Variants in JMJD1C observed in about 807,000 individuals in gnomAD.
JMJD1C encodes the protein jumonji domain containing 1C.
Under a neutral mutation model 245.3 loss-of-function variants are expected in JMJD1C, and 31 were observed. The observed-to-expected ratio is 0.13, with a 90% CI of 0.09 to 0.17. JMJD1C has a LOEUF of 0.17. Ranked by LOEUF, JMJD1C falls within the 10% of genes least tolerant of loss-of-function variation. The pLI is 1.00. For missense variants in JMJD1C, 2,691 were observed against 3,000.2 expected (o/e 0.90, Z 2.41); for synonymous variants, 1,057 against 1,017.4 (o/e 1.04, Z -0.74).
chr10:63,227,390 T>G (rs959384851), intron 3 of JMJD1C, among the ~76,000 whole-genome samples: 2 of 152,120 alleles, frequency 1.3e-5, no homozygotes, highest in African/African-American at 4.8e-5. Context: ...CAAAGGGTGG[T>G]TAGTTTCTAA....
chr10:63,222,937 C>A, intron 3 of JMJD1C: 2 of 1,503,314 alleles, frequency 1.3e-6, no homozygotes, highest in Non-Finnish European at 9.2e-7. Flanking sequence ...ATGAACCCTG[C>A]CATATAATTC....
chr10:63,432,679 C>A (rs1027976454), intron 1 of JMJD1C, among the ~76,000 whole-genome samples: 4 of 152,204 alleles, frequency 2.6e-5, no homozygotes, highest in African/African-American at 9.7e-5. Context: ...TGTTTAACCA[C>A]TGTTAATTGG....
intron 1 of JMJD1C, among the ~76,000 whole-genome samples, chr10:63,463,393 C>A (rs1036194839): frequency 1.3e-5 from 2 of 152,252 alleles, no homozygotes; most frequent in Admixed American, 1.3e-4. Flanking sequence ...TCTCAAAACT[C>A]CTGCGCTCAA....
chr10:63,278,988 G>A (rs1857117283), intron 2 of JMJD1C, among the ~76,000 whole-genome samples: 1 of 152,040 alleles, frequency 6.6e-6, no homozygotes, highest in South Asian at 2.1e-4. Flanking sequence ...GGTAGCTCAC[G>A]CCTGTAATCC....
At chr10:63,200,722 A>C in intron 10 of JMJD1C, 45 bp from the exon 11 acceptor site, 1 of 1,509,234 alleles carries the variant, frequency 6.6e-7, no homozygotes, top group Non-Finnish European at 9.2e-7. Flanking sequence ...TGCTTTGTAA[A>C]AAGTTAAACT....
At chr10:63,271,729 A>G (rs2133834002) in intron 2 of JMJD1C, among the ~76,000 whole-genome samples, 1 of 152,206 alleles carries the variant, frequency 6.6e-6, no homozygotes, top group East Asian at 1.9e-4. Flanking sequence ...TTTTGTATTC[A>G]TACTGATGTT....
intron 2 of JMJD1C, among the ~76,000 whole-genome samples, chr10:63,274,647 C>T (rs1430119688): frequency 2.0e-5 from 3 of 152,078 alleles, no homozygotes; most frequent in African/African-American, 7.2e-5. Flanking sequence ...ATCACAGTTT[C>T]AAACCTTCAA....
intron 1 of JMJD1C, among the ~76,000 whole-genome samples, chr10:63,437,970 G>A: frequency 6.6e-6 from 1 of 152,014 alleles, no homozygotes; most frequent in Middle Eastern, 3.2e-3. Context: ...TTAACACTTA[G>A]GTATGTTCTA....
intron 1 of JMJD1C, among the ~76,000 whole-genome samples, chr10:63,435,019 A>T (rs1450609141): frequency 6.6e-6 from 1 of 152,220 alleles, no homozygotes; most frequent in South Asian, 2.1e-4. Flanking sequence ...TTAAAATCTC[A>T]CATTGTCTGC....
In JMJD1C at chr10:63,356,659, C is replaced by G. The variant is rs140916384; in HGVS notation, c.333+23659G>C. Among the ~76,000 whole-genome samples, 23 of 152,182 alleles carry G rather than the reference C, an allele frequency of 1.5e-4. No homozygotes were observed. In the East Asian group the frequency reaches 3.5e-3, roughly 23 times the overall value. ...AAGGCTGTATATGTATATAAGTTCT[C>G]TATTTAGTTTAAAACAACACTTTTG... On this transcript the variant is annotated intron_variant, in intron 2 of 25. Transcript: ENST00000399262.
chr10:63,204,497 T>G (rs1052006610), intron 10 of JMJD1C: 9 of 985,292 alleles, frequency 9.1e-6, no homozygotes, highest in Non-Finnish European at 1.1e-5. Context: ...ATCTTTTGTT[T>G]TTGTTTTTTA....
At chr10:63,338,061 C>T (rs537818806) in intron 2 of JMJD1C, among the ~76,000 whole-genome samples, 7 of 152,220 alleles carry the variant, frequency 4.6e-5, no homozygotes, top group Admixed American at 2.0e-4. Flanking sequence ...CTTTTCACAG[C>T]GGTAAAAGAC....
chr10:63,403,417 TAAGA>T (rs142791965), intron 1 of JMJD1C, among the ~76,000 whole-genome samples: 2,023 of 152,314 alleles, frequency 0.013, 31 homozygotes, highest in African/African-American at 0.034. Context: ...TAATACCATA[TAAGA>T]GCTTGTGAAA....
chr10:63,379,096 C>T (rs1947007693), intron 2 of JMJD1C, among the ~76,000 whole-genome samples: 1 of 151,952 alleles, frequency 6.6e-6, no homozygotes, highest in South Asian at 2.1e-4. Context: ...ATAAACAGAT[C>T]TATTAAATTT....
intron 8 of JMJD1C, among the ~76,000 whole-genome samples, chr10:63,212,328 T>G (rs1406923359): frequency 6.6e-6 from 1 of 152,194 alleles, no homozygotes; most frequent in Non-Finnish European, 1.5e-5. Flanking sequence ...GTATGTGTTT[T>G]TTAACCACAA....
At chr10:63,221,068 C>G (rs1264364458) in intron 3 of JMJD1C, among the ~76,000 whole-genome samples, 1 of 150,034 alleles carries the variant, frequency 6.7e-6, no homozygotes, top group Non-Finnish European at 1.5e-5. Flanking sequence ...CGAGATCACA[C>G]CACTGCACTC....
chr10:63,378,788 AAATCATGCTTT>A lies in JMJD1C; in HGVS notation c.333+1519_333+1529del, dbSNP rs1946981449. Among the ~76,000 whole-genome samples, 5 of 152,190 alleles carry A rather than the reference AAATCATGCTTT, an allele frequency of 3.3e-5. No individual in the cohort carries two copies. The South Asian group carries it at 1.0e-3, about 31-fold the overall frequency. ...TTTTGGGTTAAGGTCTATAAAATTA[AAATCATGCTTT>A]TGGGTTAAGGTCTATAAAAGTTTAA... On this transcript the variant is annotated intron_variant, in intron 2 of 25. Transcript: ENST00000399262.
At chr10:63,395,336 G>A (rs1340364149) in intron 1 of JMJD1C, among the ~76,000 whole-genome samples, 1 of 152,044 alleles carries the variant, frequency 6.6e-6, no homozygotes, top group Non-Finnish European at 1.5e-5. Context: ...AAATTAGCCG[G>A]GTGTGGTGGC....
intron 2 of JMJD1C, among the ~76,000 whole-genome samples, chr10:63,271,137 A>G (rs967754335): frequency 6.6e-6 from 1 of 152,066 alleles, no homozygotes; most frequent in Admixed American, 6.6e-5. Context: ...AGAAATATTT[A>G]ATTTATTTTA....
Sources: allele counts gnomAD v4.1 joint callset (sites outside exome capture counted in the v4.1 genomes callset), GRCh38; gene constraint gnomAD v4.1.1; transcripts MANE v1.5; gene names NCBI Gene and HGNC (gene_info 2026-07-23, HGNC 2026-07-21).